SLC25A24: variants seen among roughly 807,000 people sequenced by gnomAD.
The protein encoded by SLC25A24 is solute carrier family 25 member 24.
In SLC25A24, 49 loss-of-function variants were observed where a neutral mutation model predicts 60.7. That is an observed-to-expected ratio of 0.81 (90% CI 0.64 to 1.02). SLC25A24 has a LOEUF of 1.02. SLC25A24 is among the 50% of genes least tolerant of loss of function. The pLI is 0.00. For missense variants in SLC25A24, 564 were observed against 586.3 expected (o/e 0.96, Z 0.39); for synonymous variants, 202 against 200.6 (o/e 1.01, Z -0.06).
At chr1:108,171,981 G>C (rs1647478338) in intron 3 of SLC25A24, among the ~76,000 whole-genome samples, 1 of 152,116 alleles carries the variant, frequency 6.6e-6, no homozygotes, top group South Asian at 2.1e-4. Flanking sequence ...CAAACCATAA[G>C]TGCCATGAAG....
chr1:108,154,795 T>C (rs1679849523), intron 6 of SLC25A24, among the ~76,000 whole-genome samples, 188 bp downstream of exon 6: 1 of 152,136 alleles, frequency 6.6e-6, no homozygotes, highest in South Asian at 2.1e-4. Flanking sequence ...AAGAATCCCA[T>C]AACTTGGTCA....
chr1:108,160,551 G>A (rs1325903240), intron 4 of SLC25A24, among the ~76,000 whole-genome samples: 4 of 152,168 alleles, frequency 2.6e-5, no homozygotes, highest in East Asian at 3.9e-4. Flanking sequence ...ACGGGGTGGC[G>A]GCTGGGCAGA....
intron 3 of SLC25A24, among the ~76,000 whole-genome samples, chr1:108,173,682 C>A (rs1647564395): frequency 6.6e-6 from 1 of 152,130 alleles, no homozygotes; most frequent in South Asian, 2.1e-4. Context: ...AAGTTTGGAA[C>A]TTCTTAAAAA....
Position 108,143,577 on chromosome 1 carries a change from A to G in SLC25A24, c.1064T>C (p.Ile355Thr). ...AGCAAGATCTATGCCTGCATAAGGT[A>G]TGATACCTAATAAATTGGGAACATA... is the stretch of plus-strand genomic sequence containing the variant. ...KGYVPNLLGI[I>T]PYAGIDLAVY... The change falls in exon 8 of 10, where the codon ATA becomes ACA. Residue 355 changes from isoleucine to threonine, a missense_variant. Coordinates refer to ENST00000565488, the MANE Select transcript of SLC25A24 (RefSeq NM_013386.5). 2 of 1,613,754 alleles carry G rather than the reference A, an allele frequency of 1.2e-6. No individual in the cohort carries two copies. The highest frequency in any genetic ancestry group is 1.7e-6 in the Non-Finnish European group (2 of 1,179,756).
intron 3 of SLC25A24, among the ~76,000 whole-genome samples, chr1:108,174,106 G>C (rs1206449945): frequency 6.6e-6 from 1 of 152,230 alleles, no homozygotes; most frequent in Non-Finnish European, 1.5e-5. Flanking sequence ...AAGAAACAAG[G>C]AGTGAAATGT....
intron 2 of SLC25A24, among the ~76,000 whole-genome samples, chr1:108,184,031 A>G (rs1224049173): frequency 6.6e-6 from 1 of 152,244 alleles, no homozygotes; most frequent in Non-Finnish European, 1.5e-5. Context: ...TGCATTAAGG[A>G]AGTCTAAAAA....
intron 1 of SLC25A24, among the ~76,000 whole-genome samples, chr1:108,197,475 C>CTCA (rs1648529154): frequency 6.6e-6 from 1 of 152,172 alleles, no homozygotes; most frequent in Non-Finnish European, 1.5e-5. Flanking sequence ...CATTTCTATG[C>CTCA]TCAAGTAGCC....
chr1:108,166,682 G>C (rs1163651177), intron 3 of SLC25A24, among the ~76,000 whole-genome samples: 1 of 151,936 alleles, frequency 6.6e-6, no homozygotes, highest in African/African-American at 2.4e-5. Context: ...GGTTATTCTA[G>C]TTATACATTC....
intron 5 of SLC25A24, 75 bp from the exon 6 acceptor site, chr1:108,155,210 C>T: frequency 7.7e-7 from 1 of 1,301,888 alleles, no homozygotes; most frequent in South Asian, 1.5e-5. Flanking sequence ...ACCACACAAT[C>T]TTTTTCAATA....
intron 5 of SLC25A24, among the ~76,000 whole-genome samples, chr1:108,156,614 A>G (rs780217597): frequency 5.9e-5 from 9 of 152,254 alleles, no homozygotes; most frequent in Non-Finnish European, 1.0e-4. Flanking sequence ...AGTGTTGACC[A>G]TAAGTATAAC....
rs148704606 is a variant in SLC25A24, at chr1:108,196,773, T to C, written c.183+3183A>G. On this transcript the variant is annotated intron_variant, in intron 1 of 9. Coordinates refer to ENST00000565488, the MANE Select transcript of SLC25A24 (RefSeq NM_013386.5). ...AGGAAGGTCTTCCAGGTCACTTTTATACAAGCACTAATCCCATTCATGAAG... is the reference window on the plus strand; with the variant it reads ...AGGAAGGTCTTCCAGGTCACTTTTACACAAGCACTAATCCCATTCATGAAG... Among the ~76,000 whole-genome samples the C allele has an allele frequency of 1.8e-4, 28 of 152,156 alleles. 1 individual carries two copies. The East Asian group carries it at 5.0e-3, about 27-fold the overall frequency.
In SLC25A24 at chr1:108,189,865, T is replaced by TAA. The variant is rs113505408; in HGVS notation, c.184-3913_184-3912dup. Among the ~76,000 whole-genome samples the TAA allele has an allele frequency of 5.4e-3, 783 of 145,636 alleles. 8 individuals carry two copies. Among genetic ancestry groups the TAA allele is most frequent in the African/African-American group, 0.018 (719 of 39,216 alleles). On this transcript the variant is annotated intron_variant, in intron 1 of 9. Coordinates refer to ENST00000565488, the MANE Select transcript of SLC25A24 (RefSeq NM_013386.5). ...AATTAAAGATAAAGTAAAAAAAAAT[T>TAA]AAAAAATATATATATATATGTATAT...
chr1:108,199,783 G>A, intron 1 of SLC25A24, 173 bp downstream of exon 1: 4 of 600,824 alleles, frequency 6.7e-6, no homozygotes, highest in South Asian at 6.0e-5. Context: ...TGTTACCGGG[G>A]TCGCCGGTCG....
chr1:108,149,195 G>A (rs1333872884), intron 6 of SLC25A24, among the ~76,000 whole-genome samples: 1 of 152,182 alleles, frequency 6.6e-6, no homozygotes, highest in Non-Finnish European at 1.5e-5. Flanking sequence ...GTTTCTGTAG[G>A]TAATACATAG....
chr1:108,160,077 G>A (rs548379798), intron 4 of SLC25A24, among the ~76,000 whole-genome samples: 2 of 152,018 alleles, frequency 1.3e-5, no homozygotes, highest in African/African-American at 4.8e-5. Flanking sequence ...CGGATGGGGT[G>A]GCTGGCCGGG....
intron 5 of SLC25A24, 112 bp downstream of exon 5, chr1:108,157,350 G>A (rs1451562807): frequency 1.8e-6 from 2 of 1,114,720 alleles, no homozygotes; most frequent in South Asian, 1.8e-5. Flanking sequence ...TTATTTTTTA[G>A]GGTATAAAAG....
At chr1:108,170,428 A>AT (rs1178211863) in intron 3 of SLC25A24, among the ~76,000 whole-genome samples, 2 of 152,070 alleles carry the variant, frequency 1.3e-5, no homozygotes, top group Non-Finnish European at 2.9e-5. Context: ...AAGAAAAAAT[A>AT]TTTTTTCTAA....
chr1:108,189,352 C>T (rs533526359), intron 1 of SLC25A24, among the ~76,000 whole-genome samples: 3 of 152,298 alleles, frequency 2.0e-5, no homozygotes, highest in East Asian at 1.9e-4. Context: ...AAACAAACAA[C>T]TCATAAGTTT....
chr1:108,166,294 G>T (rs1680250262), intron 3 of SLC25A24, among the ~76,000 whole-genome samples: 1 of 151,536 alleles, frequency 6.6e-6, no homozygotes, highest in South Asian at 2.1e-4. Flanking sequence ...TTCTCAAGGA[G>T]TATCTTTGTG....
Sources: allele counts gnomAD v4.1 joint callset (sites outside exome capture counted in the v4.1 genomes callset), GRCh38; gene constraint gnomAD v4.1.1; transcripts MANE v1.5; gene names NCBI Gene and HGNC (gene_info 2026-07-23, HGNC 2026-07-21).